The following MYLK variants were observed in gnomAD, a reference collection of about 807,000 sequenced individuals.
MYLK encodes the protein myosin light chain kinase.
A neutral mutation model predicts 203.4 loss-of-function variants in MYLK; 106 were observed. The ratio of observed to expected loss-of-function variants is 0.52; its 90% CI spans 0.45 to 0.61. The LOEUF (loss-of-function observed/expected upper bound fraction) is 0.61. Among genes scored for constraint, MYLK ranks in the 20% least tolerant of loss-of-function variants. The probability of loss-of-function intolerance (pLI) is 0.00; values close to 1 mark genes in which losing one functional copy is unlikely to be tolerated. For missense variants in MYLK, 2,072 were observed against 2,442.3 expected, an observed-to-expected ratio of 0.85 and a Z score of 3.20; for synonymous variants, 867 against 959.5, an observed-to-expected ratio of 0.90 and a Z score of 1.78.
intron 2 of MYLK, among the ~76,000 whole-genome samples, chr3:123,865,733 T>C (rs183673114): frequency 6.6e-6 from 1 of 152,320 alleles, no homozygotes; most frequent in Admixed American, 6.5e-5. Context: ...AAGATTCTTG[T>C]GGCAGTTTTA....
chr3:123,861,835 T>G (rs890340581), intron 2 of MYLK, among the ~76,000 whole-genome samples: 7 of 152,222 alleles, frequency 4.6e-5, no homozygotes, highest in Non-Finnish European at 8.8e-5. Flanking sequence ...AAATGGGCTT[T>G]TCTAGAAGTG....
chr3:123,850,632 T>C (rs1560289418), intron 2 of MYLK, among the ~76,000 whole-genome samples: 1 of 152,228 alleles, frequency 6.6e-6, no homozygotes, highest in Non-Finnish European at 1.5e-5. Flanking sequence ...TCTTTGTAGA[T>C]TCTGGATATT....
rs200423954 is a variant in MYLK, at chr3:123,733,098, G to A, written c.1314C>T (p.Ser438=). The change falls in exon 11 of 34, where the codon TCC becomes TCT. Residue 438 remains serine (S), a synonymous_variant. Transcript: ENST00000360304. ...NQTVKFRCEV[S]GIPKPEVAWF... ...AGGCCACTTCAGGCTTTGGAATCCC[G>A]GAAACTACAGGGCCAGGTAAAGAAC... is the stretch of plus-strand genomic sequence containing the variant. The A allele has an allele frequency of 7.3e-5, 117 of 1,613,530 alleles. No homozygotes were observed. Among genetic ancestry groups the A allele is most frequent in the Non-Finnish European group, 9.5e-5 (112 of 1,179,860 alleles).
intron 3 of MYLK, among the ~76,000 whole-genome samples, chr3:123,794,716 T>C (rs1362128856): frequency 1.3e-5 from 2 of 152,212 alleles, no homozygotes; most frequent in African/African-American, 4.8e-5. Context: ...GACTACTCAT[T>C]AGAGCGATCG....
intron 12 of MYLK, among the ~76,000 whole-genome samples, chr3:123,723,519 A>G (rs1200725785): frequency 6.6e-6 from 1 of 152,226 alleles, no homozygotes; most frequent in African/African-American, 2.4e-5. Context: ...GACTGCCGCC[A>G]ATGTGTCTCT....
intron 11 of MYLK, among the ~76,000 whole-genome samples, chr3:123,728,503 T>C (rs555202950): frequency 6.6e-6 from 1 of 152,058 alleles, no homozygotes; most frequent in African/African-American, 2.4e-5. Flanking sequence ...CGAGACTCTG[T>C]CTCTAAAAAG....
intron 5 of MYLK, among the ~76,000 whole-genome samples, chr3:123,744,079 G>A (rs890348208): frequency 4.6e-3 from 27 of 5,934 alleles, no homozygotes; most frequent in East Asian, 0.083. Flanking sequence ...TTTATAACAC[G>A]TATTAACTGA....
chr3:123,666,583 A>T (rs1383796735), intron 21 of MYLK, among the ~76,000 whole-genome samples: 1 of 152,144 alleles, frequency 6.6e-6, no homozygotes, highest in Admixed American at 6.5e-5. Context: ...ACATGGCATG[A>T]TTCTCCATTT....
chr3:123,726,180 C>T, intron 11 of MYLK, 102 bp from the exon 12 acceptor site: 1 of 1,488,788 alleles, frequency 6.7e-7, no homozygotes, highest in Non-Finnish European at 9.2e-7. Flanking sequence ...GTCCTGGACA[C>T]CTGGGTACCC....
At chr3:123,785,825 T>C (rs2064490654) in intron 4 of MYLK, among the ~76,000 whole-genome samples, 4 of 152,238 alleles carry the variant, frequency 2.6e-5, no homozygotes, top group Admixed American at 6.5e-5. Context: ...CTGATGCGGC[T>C]GAGGAACTGA....
rs59601327 is a variant in MYLK at position 123,701,679 on chromosome 3, T to C, written c.2391-170A>G. Reference sequence around the variant, plus strand: ...AGGGCAGGACCCTCTCACTGTGTGGTCACCCTTTATTTTCTCAGCTCTTAT... The same window carrying C: ...AGGGCAGGACCCTCTCACTGTGTGGCCACCCTTTATTTTCTCAGCTCTTAT... On this transcript the variant is annotated intron_variant, in intron 16 of 33. Transcript: ENST00000360304. 2.6e-3 allele frequency among the ~76,000 whole-genome samples: 395 copies of C among 152,328 alleles called. 2 individuals carry two copies. The highest frequency in any genetic ancestry group is 9.2e-3 in the African/African-American group (382 of 41,578).
intron 23 of MYLK, among the ~76,000 whole-genome samples, chr3:123,660,334 G>C (rs1248556462): frequency 6.6e-6 from 1 of 152,214 alleles, no homozygotes; most frequent in Non-Finnish European, 1.5e-5. Context: ...AACTCAGTTA[G>C]TATTTGGGGA....
intron 25 of MYLK, 46 bp from the exon 26 acceptor site, chr3:123,649,110 C>A: frequency 6.2e-7 from 1 of 1,614,074 alleles, no homozygotes; most frequent in Non-Finnish European, 8.5e-7. Flanking sequence ...GATGCCCCCA[C>A]TCAGCCCCCT....
chr3:123,863,513 A>G (rs1577145943), intron 2 of MYLK, among the ~76,000 whole-genome samples: 1 of 152,180 alleles, frequency 6.6e-6, no homozygotes, highest in Admixed American at 6.5e-5. Flanking sequence ...ACTCAACAAT[A>G]AAAAGACAAT....
chr3:123,647,404 C>T lies in MYLK; in HGVS notation c.4439G>A (p.Arg1480Gln), dbSNP rs1397757032. 11 of 1,614,044 alleles carry T rather than the reference C, an allele frequency of 6.8e-6. No homozygotes were observed. The highest frequency in any genetic ancestry group is 2.2e-5 in the East Asian group (1 of 44,906). The change falls in exon 27 of 34, where the codon CGA becomes CAA. Residue 1480 changes from arginine (R) to glutamine (Q), a missense_variant. Physicochemically the swap from Arg to Gln is conservative, Grantham distance 43. Transcript: ENST00000360304. Reference protein sequence around the residue: ...LGSGKFGQVFRLVEKKTRKVW... With the variant: ...LGSGKFGQVFQLVEKKTRKVW... ...TTTTCGAGTTTTCTTTTCTACAAGT[C>T]GAAAGACCTGTCCAAATTTCCCACT... is the stretch of plus-strand genomic sequence containing the variant.
chr3:123,782,191 C>A (rs2064325462), intron 4 of MYLK, among the ~76,000 whole-genome samples: 1 of 152,136 alleles, frequency 6.6e-6, no homozygotes, highest in African/African-American at 2.4e-5. Flanking sequence ...AGGGCTCTTT[C>A]CACAACACAC....
At chr3:123,660,752 G>A (rs953108728) in intron 23 of MYLK, among the ~76,000 whole-genome samples, 2 of 152,150 alleles carry the variant, frequency 1.3e-5, no homozygotes, top group African/African-American at 4.8e-5. Flanking sequence ...TTATTTAGCT[G>A]GTCTGTAAAT....
At chr3:123,764,302 G>C (rs1177987009) in intron 4 of MYLK, among the ~76,000 whole-genome samples, 1 of 152,188 alleles carries the variant, frequency 6.6e-6, no homozygotes, top group Non-Finnish European at 1.5e-5. Context: ...ATGTAAGTGA[G>C]GAAATACAAA....
At chr3:123,791,078 G>C (rs11918679) in intron 4 of MYLK, among the ~76,000 whole-genome samples, 3 of 152,284 alleles carry the variant, frequency 2.0e-5, no homozygotes, top group Middle Eastern at 6.8e-3. Context: ...GACTGGTTCC[G>C]TGACGATTGA....
Sources: allele counts gnomAD v4.1 joint callset (sites outside exome capture counted in the v4.1 genomes callset), GRCh38; gene constraint gnomAD v4.1.1; transcripts MANE v1.5; gene names NCBI Gene and HGNC (gene_info 2026-07-23, HGNC 2026-07-21).